The following PMS1 variants were observed in gnomAD, a reference collection of about 807,000 sequenced individuals.
PMS1 encodes PMS1 homolog 1, mismatch repair system component.
In PMS1, 79 loss-of-function variants were observed where a neutral mutation model predicts 93.1. The ratio of observed to expected loss-of-function variants is 0.85; its 90% confidence interval spans 0.71 to 1.02. The LOEUF is 1.02. PMS1 is among the 50% of genes least tolerant of loss of function. The pLI is 0.00. For missense variants in PMS1, 1,064 were observed against 1,085.3 expected (o/e 0.98, Z 0.28); for synonymous variants, 335 against 363.4 (o/e 0.92, Z 0.89).
intron 5 of PMS1, among the ~76,000 whole-genome samples, chr2:189,820,769 A>G (rs2051782842): frequency 6.6e-6 from 1 of 152,198 alleles, no homozygotes; most frequent in African/African-American, 2.4e-5. Flanking sequence ...TATATTTTAC[A>G]GTAATAGTGC....
chr2:189,798,479 C>T (rs926042993), intron 3 of PMS1, among the ~76,000 whole-genome samples: 7 of 152,214 alleles, frequency 4.6e-5, no homozygotes, highest in Non-Finnish European at 1.0e-4. Flanking sequence ...ACACTGTGTA[C>T]TTCTCTATTT....
chr2:189,871,298 A>G (rs549883675), intron 11 of PMS1, among the ~76,000 whole-genome samples: 26 of 152,150 alleles, frequency 1.7e-4, no homozygotes, highest in African/African-American at 6.0e-4. Flanking sequence ...TAACACTAAT[A>G]ATAGCTCATG....
At chr2:189,800,708 A>G (rs990071773) in intron 3 of PMS1, among the ~76,000 whole-genome samples, 3 of 152,354 alleles carry the variant, frequency 2.0e-5, no homozygotes, top group Admixed American at 6.5e-5. Flanking sequence ...ACTGATGCAT[A>G]TAATTTTAAA....
At chr2:189,788,446 A>G (rs1023860337) in intron 1 of PMS1, among the ~76,000 whole-genome samples, 4 of 152,178 alleles carry the variant, frequency 2.6e-5, no homozygotes, top group Non-Finnish European at 5.9e-5. Context: ...GATCCATTTT[A>G]TAGATTAGGT....
At chr2:189,818,816 A>G (rs1227064807) in intron 5 of PMS1, among the ~76,000 whole-genome samples, 1 of 152,314 alleles carries the variant, frequency 6.6e-6, no homozygotes, top group East Asian at 1.9e-4. Flanking sequence ...TAGATTCTCA[A>G]AATATGAAAA....
intron 3 of PMS1, among the ~76,000 whole-genome samples, chr2:189,804,389 T>C (rs2050154385): frequency 2.0e-5 from 3 of 152,188 alleles, no homozygotes; most frequent in Non-Finnish European, 4.4e-5. Flanking sequence ...ATGGAATGTA[T>C]TTTGGAAGAG....
At chr2:189,793,020 G>A (rs572775778) in intron 2 of PMS1, among the ~76,000 whole-genome samples, 1 of 152,106 alleles carries the variant, frequency 6.6e-6, no homozygotes, top group Non-Finnish European at 1.5e-5. Context: ...ATGTCGGCCA[G>A]TCTGGTCTTG....
chr2:189,847,118 C>G (rs992143652), intron 6 of PMS1, among the ~76,000 whole-genome samples: 3 of 151,896 alleles, frequency 2.0e-5, no homozygotes, highest in Admixed American at 1.3e-4. Context: ...CCTCGGCCCC[C>G]CAAAGCGCCC....
chr2:189,835,973 A>G (rs1047314654), intron 5 of PMS1, among the ~76,000 whole-genome samples: 1 of 151,990 alleles, frequency 6.6e-6, no homozygotes, highest in Admixed American at 6.6e-5. Flanking sequence ...AAAAATCCAA[A>G]TATGAGCTTA....
At chr2:189,866,649 T>C (rs1174235780) in intron 10 of PMS1, among the ~76,000 whole-genome samples, 1 of 152,242 alleles carries the variant, frequency 6.6e-6, no homozygotes, top group Non-Finnish European at 1.5e-5. Context: ...TGATGGCTAA[T>C]ATTTATTGAA....
Position 189,877,398 on chromosome 2 carries a change from T to C in PMS1, c.2761T>C (p.Phe921Leu). The stretch of plus-strand genomic sequence containing the variant: ...TAAAGAGTGTGTTCATGGTCGCCCA[T>C]TTTTTCATCATTTAACCTATCTTCC... ...EIKECVHGRP[F>L]FHHLTYLPET... The change falls in exon 13 of 13, where the codon TTT becomes CTT. Residue 921 changes from phenylalanine (F) to leucine (L), a missense_variant. Phe to Leu is a conservative substitution (Grantham distance 22, BLOSUM62 0). Transcript: ENST00000441310. 2 of 1,612,642 alleles carry C rather than the reference T, an allele frequency of 1.2e-6. No homozygotes were observed. The highest frequency in any genetic ancestry group is 1.7e-6 in the Non-Finnish European group (2 of 1,178,680).
At chr2:189,847,417 A>C (rs1361844222) in intron 6 of PMS1, among the ~76,000 whole-genome samples, 1 of 151,708 alleles carries the variant, frequency 6.6e-6, no homozygotes, top group African/African-American at 2.4e-5. Context: ...TCCCGTCTTT[A>C]ATTTTTTCCA....
At chr2:189,830,890 C>T (rs977861496) in intron 5 of PMS1, among the ~76,000 whole-genome samples, 1 of 152,224 alleles carries the variant, frequency 6.6e-6, no homozygotes, top group Non-Finnish European at 1.5e-5. Flanking sequence ...ACTCTAGACA[C>T]TTCCCACTTC....
intron 6 of PMS1, among the ~76,000 whole-genome samples, chr2:189,846,678 A>C (rs1281507534): frequency 1.3e-5 from 2 of 152,132 alleles, no homozygotes; most frequent in Admixed American, 1.3e-4. Context: ...CCGTGTCTCA[A>C]AACAAACAAA....
intron 2 of PMS1, among the ~76,000 whole-genome samples, chr2:189,793,051 C>G (rs1001515855): frequency 6.6e-6 from 1 of 152,118 alleles, no homozygotes; most frequent in Admixed American, 6.5e-5. Context: ...CTCAGGTGAT[C>G]CGCCCACCTC....
chr2:189,851,231 AC>A (rs1171952744), intron 6 of PMS1, among the ~76,000 whole-genome samples: 3 of 152,186 alleles, frequency 2.0e-5, no homozygotes, highest in African/African-American at 7.2e-5. Flanking sequence ...TAAGTGGCCA[AC>A]CAAGGTGGTG....
intron 12 of PMS1, among the ~76,000 whole-genome samples, chr2:189,876,908 G>C (rs2057622443): frequency 6.6e-6 from 1 of 151,616 alleles, no homozygotes; most frequent in Admixed American, 6.6e-5. Flanking sequence ...ACTGCACCCA[G>C]CCTGGTTCCT....
chr2:189,817,968 G>C (rs780764410), intron 4 of PMS1, 49 bp from the exon 5 acceptor site: 2 of 1,352,516 alleles, frequency 1.5e-6, no homozygotes, highest in Non-Finnish European at 2.1e-6. Context: ...TTGAAGATCT[G>C]TGACGTTCCT....
At chr2:189,800,281 A>T (rs2106253452) in intron 3 of PMS1, among the ~76,000 whole-genome samples, 1 of 152,296 alleles carries the variant, frequency 6.6e-6, no homozygotes, top group South Asian at 2.1e-4. Flanking sequence ...TACTAGCATG[A>T]TTAGAAATGT....
Sources: allele counts gnomAD v4.1 joint callset (sites outside exome capture counted in the v4.1 genomes callset), GRCh38; gene constraint gnomAD v4.1.1; transcripts MANE v1.5; gene names NCBI Gene and HGNC (gene_info 2026-07-23, HGNC 2026-07-21).